AGPS: variants seen among roughly 807,000 people sequenced by gnomAD.
AGPS encodes the protein alkylglycerone phosphate synthase, also known as alkyldihydroxyacetonephosphate synthase, peroxisomal.
A neutral mutation model predicts 90.7 loss-of-function variants in AGPS; 26 were observed. The observed-to-expected ratio is 0.29, with a 90% CI of 0.21 to 0.40. AGPS has a LOEUF of 0.40. Ranked by LOEUF, AGPS falls within the 10% of genes least tolerant of loss-of-function variation. The pLI, the probability that AGPS is intolerant of heterozygous loss-of-function variation, is 1.00. For synonymous variants in AGPS, 294 were observed against 285.3 expected, an observed-to-expected ratio of 1.03 and a Z score of -0.31; for missense variants, 540 against 816.1, an observed-to-expected ratio of 0.66 and a Z score of 4.12.
intron 1 of AGPS, among the ~76,000 whole-genome samples, chr2:177,404,791 A>C (rs1685421716): frequency 6.6e-6 from 1 of 152,192 alleles, no homozygotes; most frequent in African/African-American, 2.4e-5. Context: ...TTAGACTACT[A>C]TTCTAATTTT....
intron 2 of AGPS, among the ~76,000 whole-genome samples, chr2:177,432,508 G>C (rs1349057745): frequency 6.6e-6 from 1 of 152,176 alleles, no homozygotes; most frequent in Non-Finnish European, 1.5e-5. Context: ...TTAAAAACAG[G>C]AGTCATAATA....
At chr2:177,441,728 G>A (rs926791993) in intron 6 of AGPS, among the ~76,000 whole-genome samples, 4 of 152,078 alleles carry the variant, frequency 2.6e-5, no homozygotes, top group Admixed American at 1.3e-4. Flanking sequence ...TTCGATATAT[G>A]GTGATTTAGA....
At chr2:177,446,883 A>C (rs961834697) in intron 8 of AGPS, among the ~76,000 whole-genome samples, 2 of 152,184 alleles carry the variant, frequency 1.3e-5, no homozygotes, top group African/African-American at 4.8e-5. Flanking sequence ...CTCATTTCAT[A>C]AATTCATGAA....
At chr2:177,420,991 A>G (rs1372583768) in intron 2 of AGPS, among the ~76,000 whole-genome samples, 1 of 152,024 alleles carries the variant, frequency 6.6e-6, no homozygotes, top group Non-Finnish European at 1.5e-5. Context: ...AGAATTACAA[A>G]GCATATTGGT....
intron 8 of AGPS, among the ~76,000 whole-genome samples, chr2:177,457,243 AG>A (rs2105659418): frequency 6.6e-6 from 1 of 152,348 alleles, no homozygotes; most frequent in East Asian, 1.9e-4. Flanking sequence ...GAAAGCAGTG[AG>A]GATCTAAAAT....
At chr2:177,506,619 A>G (rs766326613) in intron 15 of AGPS, among the ~76,000 whole-genome samples, 62 of 151,970 alleles carry the variant, frequency 4.1e-4, no homozygotes, top group Non-Finnish European at 6.6e-4. Flanking sequence ...TAAATGTTAA[A>G]TTGCAGTGAA....
intron 11 of AGPS, among the ~76,000 whole-genome samples, chr2:177,489,203 G>C (rs1688180252): frequency 1.3e-5 from 2 of 151,050 alleles, no homozygotes; most frequent in African/African-American, 4.9e-5. Context: ...TTCTGCCTCA[G>C]CCTCCCCAGT....
At position 177,539,069 on chromosome 2, in the gene AGPS, A is replaced by C. The variant is rs1187561428; in HGVS notation, c.*874A>C. 2.6e-5 allele frequency: 4 copies of C among 151,998 alleles called. No individual in the cohort carries two copies. The highest frequency in any genetic ancestry group is 4.4e-5 in the Non-Finnish European group (3 of 67,928). The allele number at this position is 151,998 out of a possible 1,614,324, so 9.4% of individuals were successfully genotyped here. A position where few individuals can be genotyped will look rare whatever the true frequency, so the allele number is the denominator to read the frequency against. On this transcript the variant is annotated 3_prime_UTR_variant, in exon 20 of 20. Transcript: ENST00000264167. ...CAGCTACAGCAAGAGCAGAAGGAAAACTCTTAGACTTAATGTCTCCAATTG... is the reference window on the plus strand; with the variant it reads ...CAGCTACAGCAAGAGCAGAAGGAAACCTCTTAGACTTAATGTCTCCAATTG...
Position 177,505,549 on chromosome 2 carries a change from C to T in AGPS, c.1519C>T (p.Leu507=), listed in dbSNP as rs761831871. Residue 507 remains leucine, a synonymous_variant, in exon 15 of 20, where the codon CTG becomes TTG. Transcript: ENST00000264167. The part of the protein sequence containing the change: ...GEDNGQRGYL[L]TYVIAYIRDL... ...AGATAATGGACAGAGAGGTTATTTG[C>T]TGACCTATGTTATTGCATACATTCG... The T allele has an allele frequency of 1.2e-5, 19 of 1,612,134 alleles. No homozygotes were observed. The highest frequency in any genetic ancestry group is 1.5e-5 in the Non-Finnish European group (18 of 1,178,828).
intron 10 of AGPS, among the ~76,000 whole-genome samples, chr2:177,470,103 G>A (rs1687568580): frequency 1.3e-5 from 2 of 152,108 alleles, no homozygotes; most frequent in African/African-American, 2.4e-5. Context: ...GAGGGGAGTT[G>A]CCCTGCAGAG....
At chr2:177,512,579 C>T (rs1156849616) in intron 16 of AGPS, among the ~76,000 whole-genome samples, 5 of 152,156 alleles carry the variant, frequency 3.3e-5, no homozygotes, top group Non-Finnish European at 7.4e-5. Context: ...ACAGTCAAGT[C>T]TGCGTCTTGA....
intron 8 of AGPS, among the ~76,000 whole-genome samples, chr2:177,460,778 A>C (rs1048743996): frequency 2.0e-5 from 3 of 152,308 alleles, no homozygotes; most frequent in East Asian, 1.9e-4. Context: ...GCTTCTTTTT[A>C]ATAGATGGAT....
intron 17 of AGPS, among the ~76,000 whole-genome samples, chr2:177,516,386 A>C (rs1020181785): frequency 6.6e-6 from 1 of 152,120 alleles, no homozygotes; most frequent in African/African-American, 2.4e-5. Context: ...GAGCACAAAA[A>C]AATTTTTTTA....
intron 8 of AGPS, among the ~76,000 whole-genome samples, chr2:177,454,538 TG>T (rs1322784995): frequency 6.6e-6 from 1 of 151,518 alleles, no homozygotes; most frequent in Admixed American, 6.6e-5. Flanking sequence ...ATAATGATTA[TG>T]GGGTGTTTTC....
rs1172040227 is a variant in AGPS at position 177,436,139 on chromosome 2, A to AT, written c.442-606dup. On this transcript the variant is annotated intron_variant, in intron 3 of 19. Transcript: ENST00000264167. ...GCAATTGAAGAATAAGAAATGCTGAATTTTTTTTTTTTTTTTTTTGCGACA... is the reference window on the plus strand; with the variant it reads ...GCAATTGAAGAATAAGAAATGCTGAATTTTTTTTTTTTTTTTTTTTGCGACA... Among the ~76,000 whole-genome samples, 106 of 82,120 alleles carry AT rather than the reference A, an allele frequency of 1.3e-3. 5 individuals are homozygous for AT. The highest frequency in any genetic ancestry group is 3.0e-3 in the African/African-American group (65 of 21,424). The allele number at this position is 82,120 out of a possible 152,430, so 53.9% of individuals were successfully genotyped here.
At chr2:177,499,463 A>G (rs1688494191) in intron 13 of AGPS, among the ~76,000 whole-genome samples, 155 bp from the exon 14 acceptor site, 2 of 151,992 alleles carry the variant, frequency 1.3e-5, no homozygotes, top group South Asian at 2.1e-4. Context: ...TTTATTAAAC[A>G]TTCTTAGTGA....
In AGPS at chr2:177,460,566, C is replaced by T. The variant is rs953662234; in HGVS notation, c.871-1327C>T. 6.0e-4 allele frequency among the ~76,000 whole-genome samples: 92 copies of T among 152,238 alleles called. No individual in the cohort carries two copies. In the Middle Eastern group the frequency reaches 0.01, roughly 17 times the overall value. ...CCTCTCTTTTCAGTACCTGGTACAT[C>T]TTAGGGCTCCATGAATGTCTTTTTT... On this transcript the variant is annotated intron_variant, in intron 8 of 19. Transcript: ENST00000264167.
intron 1 of AGPS, among the ~76,000 whole-genome samples, chr2:177,403,827 A>G (rs1685393564): frequency 6.6e-6 from 1 of 152,264 alleles, no homozygotes; most frequent in South Asian, 2.1e-4. Flanking sequence ...CTCAGGAAGT[A>G]TTGTATTATA....
At chr2:177,535,497 G>C (rs1000537219) in intron 19 of AGPS, among the ~76,000 whole-genome samples, 1 of 152,106 alleles carries the variant, frequency 6.6e-6, no homozygotes, top group Admixed American at 6.5e-5. Context: ...ATTATTAGTG[G>C]TGGTGTTTAG....
Sources: allele counts gnomAD v4.1 joint callset (sites outside exome capture counted in the v4.1 genomes callset), GRCh38; gene constraint gnomAD v4.1.1; transcripts MANE v1.5; gene names NCBI Gene and HGNC (gene_info 2026-07-23, HGNC 2026-07-21).